OCA2: variants seen among roughly 807,000 people sequenced by gnomAD.
OCA2 encodes the protein OCA2 melanosomal transmembrane protein.
OCA2 carries 77 observed loss-of-function variants against 100.2 expected under a neutral mutation model. That is an observed-to-expected ratio of 0.77 (90% CI 0.64 to 0.93). The LOEUF (loss-of-function observed/expected upper bound fraction) is 0.93, where lower values mean the gene tolerates loss of function less well. Among genes scored for constraint, OCA2 ranks in the 40% least tolerant of loss-of-function variants. The probability of loss-of-function intolerance (pLI) is 0.00; values close to 1 mark genes in which losing one functional copy is unlikely to be tolerated. For synonymous variants in OCA2, 432 were observed against 439.2 expected (o/e 0.98, Z 0.21); for missense variants, 1,062 against 1,089.1 (o/e 0.98, Z 0.35).
intron 23 of OCA2, among the ~76,000 whole-genome samples, chr15:27,770,822 CAT>C (rs2031709330): frequency 2.4e-5 from 3 of 124,902 alleles, no homozygotes; most frequent in African/African-American, 3.3e-5. Flanking sequence ...TCCTCCCTTC[CAT>C]TCTTCCTTCC....
At chr15:27,912,176 T>C (rs1266272086) in intron 19 of OCA2, among the ~76,000 whole-genome samples, 1 of 152,170 alleles carries the variant, frequency 6.6e-6, no homozygotes, top group Non-Finnish European at 1.5e-5. Context: ...GATACAGATA[T>C]GGATGTGTGG....
intron 21 of OCA2, among the ~76,000 whole-genome samples, chr15:27,857,320 G>A (rs111771194): frequency 9.3e-4 from 141 of 152,278 alleles, no homozygotes; most frequent in African/African-American, 3.3e-3. Flanking sequence ...TTGAAGATAC[G>A]ACGTTTGAAA....
chr15:27,885,537 C>A (rs1398481509), intron 19 of OCA2, among the ~76,000 whole-genome samples: 1 of 152,208 alleles, frequency 6.6e-6, no homozygotes, highest in Non-Finnish European at 1.5e-5. Flanking sequence ...TTCTTCTCAG[C>A]TTAAGAAATC....
chr15:27,996,545 G>T (rs2041733356), intron 9 of OCA2, among the ~76,000 whole-genome samples: 1 of 151,554 alleles, frequency 6.6e-6, no homozygotes, highest in Non-Finnish European at 1.5e-5. Context: ...ACTAAGAGTT[G>T]GGTTTGAAAG....
At chr15:27,890,443 A>G (rs1054683116) in intron 19 of OCA2, among the ~76,000 whole-genome samples, 3 of 152,242 alleles carry the variant, frequency 2.0e-5, no homozygotes, top group African/African-American at 7.2e-5. Flanking sequence ...AAGACAAAGA[A>G]AAACCTTGAA....
At chr15:27,830,475 A>G (rs1245778174) in intron 23 of OCA2, among the ~76,000 whole-genome samples, 1 of 152,254 alleles carries the variant, frequency 6.6e-6, no homozygotes, top group Admixed American at 6.5e-5. Flanking sequence ...GAGTACAAAT[A>G]TTATTTAAAG....
At chr15:27,946,610 A>G (rs1362461809) in intron 18 of OCA2, among the ~76,000 whole-genome samples, 2 of 152,168 alleles carry the variant, frequency 1.3e-5, no homozygotes, top group Admixed American at 1.3e-4. Flanking sequence ...GGGCTGCCCA[A>G]TTTGCGAATC....
At chr15:28,094,362 T>TCCCG (rs1030440851) in intron 1 of OCA2, among the ~76,000 whole-genome samples, 15 of 151,970 alleles carry the variant, frequency 9.9e-5, no homozygotes, top group Non-Finnish European at 1.5e-4. Flanking sequence ...TGGGCAGAGC[T>TCCCG]CCCGCCCGTA....
intron 2 of OCA2, among the ~76,000 whole-genome samples, chr15:28,056,876 G>A (rs2043716996): frequency 6.6e-6 from 1 of 152,226 alleles, no homozygotes; most frequent in Admixed American, 6.5e-5. Context: ...CAGGCAACGA[G>A]GACAGGGACA....
chr15:27,754,902 AC>A lies in OCA2; in HGVS notation c.*485del, dbSNP rs1055741575. ...TTATCAAGGAACAGTTTATTTTAATACATAAAATGTTTCCTTACGAGCAGTA... is the reference window on the plus strand; with the variant it reads ...TTATCAAGGAACAGTTTATTTTAATAATAAAATGTTTCCTTACGAGCAGTA... On this transcript the variant is annotated 3_prime_UTR_variant, in exon 24 of 24. Transcript: ENST00000354638. The A allele has an allele frequency of 1.1e-4, 21 of 186,186 alleles. No homozygotes were observed. The East Asian group carries it at 2.5e-3, about 22-fold the overall frequency. 11.5% of individuals were successfully genotyped at this position (186,186 alleles called of 1,614,324 possible). A position where few individuals can be genotyped will look rare whatever the true frequency, so the allele number is the denominator to read the frequency against.
intron 23 of OCA2, among the ~76,000 whole-genome samples, chr15:27,767,387 C>A (rs1203552861): frequency 6.6e-6 from 1 of 152,174 alleles, no homozygotes; most frequent in Non-Finnish European, 1.5e-5. Context: ...ACAGGTGAAG[C>A]CAGCTGGATT....
intron 2 of OCA2, among the ~76,000 whole-genome samples, chr15:28,068,957 C>G (rs891988218): frequency 1.3e-5 from 2 of 152,126 alleles, no homozygotes; most frequent in African/African-American, 4.8e-5. Flanking sequence ...TACTGAGAGC[C>G]ATCTATGACA....
At chr15:27,723,830 G>A in the OCA2 span, among the ~76,000 whole-genome samples, 1 of 152,172 alleles carries the variant, frequency 6.6e-6, no homozygotes. Flanking sequence ...GTCTAGAAGG[G>A]ACATCTCAGG....
At chr15:28,032,275 C>A in intron 2 of OCA2, 112 bp from the exon 3 acceptor site, 1 of 887,426 alleles carries the variant, frequency 1.1e-6, no homozygotes, top group Admixed American at 1.9e-5. Flanking sequence ...ATAAATCTTA[C>A]AAGGAAATTT....
At chr15:27,939,052 T>C (rs1199711343) in intron 18 of OCA2, among the ~76,000 whole-genome samples, 2 of 152,160 alleles carry the variant, frequency 1.3e-5, no homozygotes, top group East Asian at 1.9e-4. Context: ...TAACTGAACA[T>C]TGGAGCTCTT....
the OCA2 span, among the ~76,000 whole-genome samples, chr15:27,747,338 G>T: frequency 4.6e-5 from 7 of 152,322 alleles, no homozygotes; most frequent in East Asian, 1.3e-3. Flanking sequence ...GTAAGTGTTC[G>T]ATCGGTCTTC....
intron 23 of OCA2, among the ~76,000 whole-genome samples, chr15:27,759,387 A>G (rs2030648378): frequency 6.6e-6 from 1 of 152,198 alleles, no homozygotes; most frequent in South Asian, 2.1e-4. Context: ...ATGTATGGTT[A>G]AATATGATAA....
At chr15:28,068,128 C>A (rs1040343995) in intron 2 of OCA2, among the ~76,000 whole-genome samples, 6 of 152,144 alleles carry the variant, frequency 3.9e-5, no homozygotes, top group South Asian at 2.1e-4. Context: ...ACTGTTTTAT[C>A]TGATGTAGGA....
chr15:27,957,641 C>T lies in OCA2; in HGVS notation c.1731G>A (p.Gly577=). 1 of 1,613,054 alleles carries T rather than the reference C, an allele frequency of 6.2e-7. No individual in the cohort carries two copies. Among genetic ancestry groups the T allele is most frequent in the Non-Finnish European group, 8.5e-7 (1 of 1,180,002 alleles). ...EETAVRRLLL[G]KVLALEHLLA... The stretch of plus-strand genomic sequence containing the variant: ...GCAGGTGCTCCAGTGCCAGCACCTT[C>T]CCCAGCAGCAGGCGGCGCACAGCTG... The change falls in exon 16 of 24, where the codon GGG becomes GGA. Residue 577 remains glycine, a synonymous_variant. Coordinates refer to ENST00000354638, the MANE Select transcript of OCA2 (RefSeq NM_000275.3). The surrounding 1 kb of genome is among the most constrained non-coding windows in gnomAD (Gnocchi z 4.3).
Sources: allele counts gnomAD v4.1 joint callset (sites outside exome capture counted in the v4.1 genomes callset), GRCh38; gene constraint gnomAD v4.1.1; non-coding constraint Gnocchi (gnomAD v3.1); transcripts MANE v1.5; gene names NCBI Gene and HGNC (gene_info 2026-07-23, HGNC 2026-07-21).